Variants in FBLN7 observed in about 807,000 individuals in gnomAD.
FBLN7 encodes fibulin 7, also known as fibulin-7.
Under a neutral mutation model 44.0 loss-of-function variants are expected in FBLN7, and 31 were observed. The ratio of observed to expected loss-of-function variants is 0.70; its 90% CI spans 0.53 to 0.95. The LOEUF (loss-of-function observed/expected upper bound fraction) is 0.95, where lower values mean the gene tolerates loss of function less well. FBLN7 is among the 40% of genes least tolerant of loss of function. FBLN7 has a pLI of 0.00. For synonymous variants in FBLN7, 262 were observed against 253.4 expected (o/e 1.03, Z -0.32); for missense variants, 573 against 618.5 (o/e 0.93, Z 0.78).
At chr2:112,165,797 T>C (rs2104575864) in intron 3 of FBLN7, among the ~76,000 whole-genome samples, 1 of 152,324 alleles carries the variant, frequency 6.6e-6, no homozygotes, top group Non-Finnish European at 1.5e-5. Context: ...AAGGCTTCTC[T>C]CTGTGCTAGG....
intron 6 of FBLN7, 124 bp from the exon 7 acceptor site, chr2:112,185,077 T>G: frequency 7.5e-7 from 1 of 1,329,112 alleles, no homozygotes; most frequent in Non-Finnish European, 1.0e-6. Context: ...CTTTCTGCTT[T>G]AAGAATAAGT....
At position 112,174,360 on chromosome 2, in the gene FBLN7, GGTCT is replaced by G. The variant is rs1682632301; in HGVS notation, c.407-1349_407-1346del. Among the ~76,000 whole-genome samples, 6 of 152,296 alleles carry G rather than the reference GGTCT, an allele frequency of 3.9e-5. No homozygotes were observed. The South Asian group carries it at 1.0e-3, about 26-fold the overall frequency. On this transcript the variant is annotated intron_variant, in intron 3 of 7. Coordinates refer to ENST00000331203, the MANE Select transcript of FBLN7 (RefSeq NM_153214.3). ...CTCTAGGGATGAGCAGCATTCGGGTGGTCTGTCTTTTTGCAACAAATAGAAACTG... is the reference window on the plus strand; with the variant it reads ...CTCTAGGGATGAGCAGCATTCGGGTGGTCTTTTTGCAACAAATAGAAACTG...
intron 1 of FBLN7, among the ~76,000 whole-genome samples, chr2:112,145,190 G>A (rs1162050864): frequency 6.6e-6 from 1 of 152,170 alleles, no homozygotes; most frequent in Non-Finnish European, 1.5e-5. Flanking sequence ...TTTCCCTAAT[G>A]ACTAATGACA....
At chr2:112,155,727 G>A (rs1462174153) in intron 1 of FBLN7, among the ~76,000 whole-genome samples, 1 of 152,208 alleles carries the variant, frequency 6.6e-6, no homozygotes, top group African/African-American at 2.4e-5. Context: ...TGTTGCCCAC[G>A]GAGCAGGAAG....
At chr2:112,160,854 A>G (rs1307666936) in intron 2 of FBLN7, among the ~76,000 whole-genome samples, 146 of 151,634 alleles carry the variant, frequency 9.6e-4, no homozygotes, top group African/African-American at 3.4e-3. Flanking sequence ...ACGCGCACAC[A>G]CACACACACA....
the FBLN7 span, among the ~76,000 whole-genome samples, chr2:112,235,838 T>TAAAATTTAGTAGTAA: frequency 6.6e-6 from 1 of 150,780 alleles, no homozygotes; most frequent in Non-Finnish European, 1.5e-5. Flanking sequence ...ACTTTAGTAG[T>TAAAATTTAGTAGTAA]AAAAAATTTG....
chr2:112,213,219 C>A, the FBLN7 span: 1 of 152,292 alleles, frequency 6.6e-6, no homozygotes. Flanking sequence ...ATCCTCCTGC[C>A]TTGGCCTCCC....
the FBLN7 span, among the ~76,000 whole-genome samples, chr2:112,209,308 G>A: frequency 1.3e-5 from 2 of 152,186 alleles, no homozygotes; most frequent in East Asian, 3.8e-4. Flanking sequence ...CTCTGGAGGT[G>A]TTTTAGTACG....
At chr2:112,240,982 TGTGC>T in the FBLN7 span, among the ~76,000 whole-genome samples, 2,029 of 140,738 alleles carry the variant, frequency 0.014, 50 homozygotes, top group African/African-American at 0.05. Context: ...TGTGTGTGTG[TGTGC>T]GCGTGTGTAT....
Position 112,180,208 on chromosome 2 carries a change from A to G in FBLN7, c.533-1531A>G, listed in dbSNP as rs181687821. On this transcript the variant is annotated intron_variant, in intron 4 of 7. Coordinates refer to ENST00000331203, the MANE Select transcript of FBLN7 (RefSeq NM_153214.3). ...ACAGAAACTTCTCAAAAGAAAACCT[A>G]CAACAGGCCAACAAGCATATGGAAA... Among the ~76,000 whole-genome samples the G allele has an allele frequency of 5.3e-5, 8 of 152,324 alleles. No individual in the cohort carries two copies. In the East Asian group the frequency reaches 1.5e-3, roughly 29 times the overall value.
chr2:112,234,500 G>A, the FBLN7 span, among the ~76,000 whole-genome samples: 2 of 152,082 alleles, frequency 1.3e-5, no homozygotes, highest in South Asian at 4.1e-4. Context: ...AAAAATGAAT[G>A]AAAAAAATTT....
chr2:112,156,467 G>A (rs989379459), intron 1 of FBLN7, among the ~76,000 whole-genome samples: 1 of 152,218 alleles, frequency 6.6e-6, no homozygotes, highest in Non-Finnish European at 1.5e-5. Context: ...TTTGTAGACT[G>A]AAGTACACAA....
chr2:112,180,703 G>A (rs977190598), intron 4 of FBLN7, among the ~76,000 whole-genome samples: 8 of 152,004 alleles, frequency 5.3e-5, no homozygotes, highest in African/African-American at 1.9e-4. Context: ...GGCAGATCAC[G>A]AAGTCAGGAG....
At chr2:112,161,273 T>C in intron 2 of FBLN7, among the ~76,000 whole-genome samples, 1 of 152,168 alleles carries the variant, frequency 6.6e-6, no homozygotes, top group Non-Finnish European at 1.5e-5. Context: ...GCTGTCTTTG[T>C]TGAGTGAGTT....
At chr2:112,174,127 G>A (rs1682617303) in intron 3 of FBLN7, among the ~76,000 whole-genome samples, 1 of 152,164 alleles carries the variant, frequency 6.6e-6, no homozygotes, top group Admixed American at 6.5e-5. Context: ...ACAACTTCAC[G>A]GCCTAGTGAT....
chr2:112,205,027 TAAATA>T, the FBLN7 span, among the ~76,000 whole-genome samples: 1 of 152,032 alleles, frequency 6.6e-6, no homozygotes, highest in African/African-American at 2.4e-5. Context: ...TTAATTGGTA[TAAATA>T]AAATAGTACA....
chr2:112,184,230 C>A (rs1683135586), intron 6 of FBLN7, among the ~76,000 whole-genome samples: 1 of 152,168 alleles, frequency 6.6e-6, no homozygotes, highest in South Asian at 2.1e-4. Flanking sequence ...AGAGGGGAGC[C>A]CCGCTGGCTC....
At chr2:112,236,142 T>C in the FBLN7 span, among the ~76,000 whole-genome samples, 8 of 152,140 alleles carry the variant, frequency 5.3e-5, no homozygotes, top group African/African-American at 1.9e-4. Context: ...CGGGCGCCTG[T>C]AGTCCCAGCT....
chr2:112,204,621 C>T, the FBLN7 span, among the ~76,000 whole-genome samples: 1 of 152,100 alleles, frequency 6.6e-6, no homozygotes, highest in South Asian at 2.1e-4. Context: ...TCATCAGAAA[C>T]TATGGAAGCC....
Sources: allele counts gnomAD v4.1 joint callset (sites outside exome capture counted in the v4.1 genomes callset), GRCh38; gene constraint gnomAD v4.1.1; transcripts MANE v1.5; gene names NCBI Gene and HGNC (gene_info 2026-07-23, HGNC 2026-07-21).